ACSL3: variants seen among roughly 807,000 people sequenced by gnomAD.
ACSL3 encodes acyl-CoA synthetase long chain family member 3, also known as fatty acid CoA ligase Acsl3.
A neutral mutation model predicts 84.7 loss-of-function variants in ACSL3; 34 were observed. That is an observed-to-expected ratio of 0.40 (90% CI 0.31 to 0.53). The LOEUF is 0.53. Among genes scored for constraint, ACSL3 ranks in the 20% least tolerant of loss-of-function variants. The pLI is 0.48. For missense variants in ACSL3, 680 were observed against 873.1 expected, an observed-to-expected ratio of 0.78 and a Z score of 2.79; for synonymous variants, 315 against 299.4, an observed-to-expected ratio of 1.05 and a Z score of -0.54.
intron 11 of ACSL3, among the ~76,000 whole-genome samples, chr2:222,925,824 A>G (rs1696863326): frequency 6.6e-6 from 1 of 152,066 alleles, no homozygotes; most frequent in Non-Finnish European, 1.5e-5. Flanking sequence ...GCTTTAAATG[A>G]TCAGTTTTGT....
At chr2:222,936,559 A>G (rs1345704988) in intron 16 of ACSL3, among the ~76,000 whole-genome samples, 6 of 151,858 alleles carry the variant, frequency 4.0e-5, no homozygotes, top group Admixed American at 3.9e-4. Context: ...TCTGCAGAAA[A>G]TTGTCGATTC....
intron 5 of ACSL3, chr2:222,917,245 A>G (rs917737826): frequency 1.3e-5 from 2 of 152,292 alleles, no homozygotes; most frequent in African/African-American, 4.8e-5. Flanking sequence ...GCATGCCGCC[A>G]TGCCCGGCTA....
chr2:222,936,325 C>A (rs1481930433), intron 16 of ACSL3, among the ~76,000 whole-genome samples: 1 of 152,082 alleles, frequency 6.6e-6, no homozygotes, highest in Non-Finnish European at 1.5e-5. Flanking sequence ...TTAATTTTTT[C>A]AGGAAACTCC....
intron 3 of ACSL3, chr2:222,904,772 T>A (rs552326946): frequency 6.3e-4 from 97 of 154,460 alleles, no homozygotes; most frequent in African/African-American, 2.3e-3. Flanking sequence ...ACAACTGAGG[T>A]TGCAAGTTTA....
intron 2 of ACSL3, among the ~76,000 whole-genome samples, chr2:222,890,990 C>A (rs895655263): frequency 1.2e-4 from 18 of 152,154 alleles, no homozygotes; most frequent in Non-Finnish European, 2.4e-4. Context: ...ACTAACACAA[C>A]CTTCACTTAA....
intron 4 of ACSL3, among the ~76,000 whole-genome samples, chr2:222,912,391 G>A (rs1574548840): frequency 6.6e-6 from 1 of 152,172 alleles, no homozygotes; most frequent in African/African-American, 2.4e-5. Context: ...GTTGAAAAGG[G>A]GAACTTTCAC....
intron 11 of ACSL3, among the ~76,000 whole-genome samples, chr2:222,925,319 G>A (rs942231425): frequency 1.4e-5 from 2 of 140,014 alleles, no homozygotes; most frequent in Non-Finnish European, 3.0e-5. Context: ...CAGCCTGGGT[G>A]ACAGAGTGCG....
In ACSL3 at chr2:222,881,602, C is replaced by T. The variant is rs373710899; in HGVS notation, c.-206-6228C>T. 1.2e-4 allele frequency among the ~76,000 whole-genome samples: 19 copies of T among 152,312 alleles called. No homozygotes were observed. The East Asian group carries it at 2.5e-3, about 20-fold the overall frequency. Reference sequence around the variant, plus strand: ...TGCGATCTTGGTTTACTGCAACCTCCGCTTCCCGGGTTCAAGCGATTCTCC... The same window carrying T: ...TGCGATCTTGGTTTACTGCAACCTCTGCTTCCCGGGTTCAAGCGATTCTCC... On this transcript the variant is annotated intron_variant, in intron 1 of 16. Transcript: ENST00000357430.
At chr2:222,916,534 A>T in intron 5 of ACSL3, 38 bp downstream of exon 5, 2 of 1,493,924 alleles carry the variant, frequency 1.3e-6, no homozygotes, top group Non-Finnish European at 1.8e-6. Context: ...GAATGAACTT[A>T]ACTGATATTT....
At chr2:222,863,846 T>C (rs1477450235) in intron 1 of ACSL3, among the ~76,000 whole-genome samples, 1 of 152,220 alleles carries the variant, frequency 6.6e-6, no homozygotes, top group Non-Finnish European at 1.5e-5. Context: ...ATATATTTAC[T>C]TAATGGCCAT....
intron 4 of ACSL3, among the ~76,000 whole-genome samples, chr2:222,911,324 C>T (rs1696435298): frequency 1.3e-5 from 2 of 152,226 alleles, no homozygotes; most frequent in Non-Finnish European, 2.9e-5. Context: ...GCTGGGATTA[C>T]AGGCATGAGC....
rs1287675120 is a variant in ACSL3 at position 222,928,900 on chromosome 2, G to A, written c.1504G>A (p.Val502Ile). The change falls in exon 13 of 17, where the codon GTT becomes ATT. Residue 502 changes from valine to isoleucine, a missense_variant. This residue lies in a region of ACSL3 where 347 missense variants were observed against 525.7 expected (regional missense o/e 0.66). Coordinates refer to ENST00000357430, the MANE Select transcript of ACSL3 (RefSeq NM_004457.5). ...TACTGGCAGAGTGGGAGCACCATTA[G>A]TTTGCTGTGAAATCAAATTAAAAAA... ...YNTGRVGAPL[V>I]CCEIKLKNWE... The A allele has an allele frequency of 3.7e-6, 6 of 1,613,782 alleles. No individual in the cohort carries two copies. Among genetic ancestry groups the A allele is most frequent in the Non-Finnish European group, 5.1e-6 (6 of 1,179,850 alleles).
Position 222,943,676 on chromosome 2 carries a change from A to G in ACSL3, c.*2022A>G, listed in dbSNP as rs1259809424. 1.3e-5 allele frequency: 2 copies of G among 152,226 alleles called. No homozygotes were observed. Among genetic ancestry groups the G allele is most frequent in the African/African-American group, 4.8e-5 (2 of 41,470 alleles). 9.4% of individuals were successfully genotyped at this position (152,226 alleles called of 1,614,324 possible). ...TCAGATGCCAGGTGTCAAATGCCAC[A>G]GTAGAAAGTGAAATTAAGTAGAGTC... On this transcript the variant is annotated 3_prime_UTR_variant, in exon 17 of 17. Transcript: ENST00000357430.
At chr2:222,900,980 T>C (rs971369453) in intron 3 of ACSL3, among the ~76,000 whole-genome samples, 200 bp downstream of exon 3, 1 of 152,184 alleles carries the variant, frequency 6.6e-6, no homozygotes, top group Non-Finnish European at 1.5e-5. Flanking sequence ...TTTTGTTGCT[T>C]GAACAAAAGA....
chr2:222,909,235 C>T, intron 4 of ACSL3, 85 bp downstream of exon 4: 1 of 1,345,376 alleles, frequency 7.4e-7, no homozygotes. Context: ...CAGCCTGCCT[C>T]CATTAGAATT....
At chr2:222,921,458 A>G in intron 8 of ACSL3, 28 bp downstream of exon 8, 1 of 1,551,936 alleles carries the variant, frequency 6.4e-7, no homozygotes, top group Non-Finnish European at 8.8e-7. Flanking sequence ...AACATTGAGT[A>G]GTTAAGTATT....
intron 1 of ACSL3, among the ~76,000 whole-genome samples, chr2:222,882,243 C>G (rs1278115580): frequency 1.3e-5 from 2 of 152,114 alleles, no homozygotes; most frequent in Non-Finnish European, 2.9e-5. Flanking sequence ...CTGAAAATTT[C>G]TTTATTCTAC....
chr2:222,916,756 G>A lies in ACSL3; in HGVS notation c.556+260G>A, dbSNP rs76033111. ...TCTTGAGAACTAGACCTACACTTAG[G>A]GGCCGTTGTTCCAATACCATTTCTC... On this transcript the variant is annotated intron_variant, in intron 5 of 16. Coordinates refer to ENST00000357430, the MANE Select transcript of ACSL3 (RefSeq NM_004457.5). 4.9e-3 allele frequency: 1,390 copies of A among 284,638 alleles called. 7 individuals are homozygous for A. The highest frequency in any genetic ancestry group is 0.02 in the Middle Eastern group (20 of 1,006). 17.6% of individuals were successfully genotyped at this position (284,638 alleles called of 1,614,324 possible). A position where few individuals can be genotyped will look rare whatever the true frequency, so the allele number is the denominator to read the frequency against.
At chr2:222,912,508 C>T (rs548733274) in intron 4 of ACSL3, among the ~76,000 whole-genome samples, 378 of 152,214 alleles carry the variant, frequency 2.5e-3, no homozygotes, top group Non-Finnish European at 4.0e-3. Context: ...AGATAATCTT[C>T]AACTGGAAAA....
Sources: gnomAD v4.1 joint callset for allele counts (sites outside exome capture counted in the v4.1 genomes callset) on GRCh38, gnomAD v4.1.1 for gene constraint, gnomAD v4.1.1 regional missense constraint, MANE v1.5 for transcripts, NCBI Gene and HGNC (gene_info 2026-07-23, HGNC 2026-07-21) for gene names.